GRID1: variants seen among roughly 807,000 people sequenced by gnomAD.
GRID1 encodes glutamate receptor ionotropic, delta-1.
GRID1 carries 28 observed loss-of-function variants against 98.0 expected under a neutral mutation model. The ratio of observed to expected loss-of-function variants is 0.29; its 90% CI spans 0.21 to 0.39. GRID1 has a LOEUF of 0.39. Ranked by LOEUF, GRID1 falls within the 10% of genes least tolerant of loss-of-function variation. GRID1 has a pLI of 1.00. For synonymous variants in GRID1, 553 were observed against 538.5 expected (o/e 1.03, Z -0.37); for missense variants, 1,111 against 1,340.5 (o/e 0.83, Z 2.67).
chr10:85,978,477 C>T (rs1842502664), intron 4 of GRID1, among the ~76,000 whole-genome samples: 1 of 152,198 alleles, frequency 6.6e-6, no homozygotes, highest in Non-Finnish European at 1.5e-5. Flanking sequence ...CATTAATGGA[C>T]TTGACCTTCC....
intron 6 of GRID1, 52 bp downstream of exon 6, chr10:85,868,958 G>A (rs376530136): frequency 2.0e-6 from 3 of 1,512,692 alleles, no homozygotes; most frequent in Non-Finnish European, 2.8e-6. Context: ...GGCCAAGGGT[G>A]TGGGTGAGAC....
At chr10:85,898,990 C>A (rs1278190242) in intron 5 of GRID1, among the ~76,000 whole-genome samples, 3 of 152,202 alleles carry the variant, frequency 2.0e-5, no homozygotes, top group South Asian at 4.1e-4. Context: ...ATACCAGCAT[C>A]ACCATGAACA....
intron 4 of GRID1, among the ~76,000 whole-genome samples, chr10:86,130,196 T>C (rs1844814199): frequency 1.2e-5 from 1 of 80,318 alleles, no homozygotes; most frequent in African/African-American, 1.1e-4. Flanking sequence ...CACTGAGTTT[T>C]AGGACACACA....
At chr10:85,812,479 G>A (rs775997585) in intron 8 of GRID1, among the ~76,000 whole-genome samples, 4 of 152,086 alleles carry the variant, frequency 2.6e-5, no homozygotes, top group Non-Finnish European at 5.9e-5. Context: ...TATAGTGGCT[G>A]TAAAAGCCCT....
At chr10:85,642,993 C>T (rs139390209) in intron 13 of GRID1, among the ~76,000 whole-genome samples, 8 of 152,276 alleles carry the variant, frequency 5.3e-5, no homozygotes, top group East Asian at 3.9e-4. Flanking sequence ...AACCCTTCTC[C>T]AGTTCTGATA....
chr10:85,729,781 A>T (rs1250188259), intron 8 of GRID1, among the ~76,000 whole-genome samples, 167 bp from the exon 9 acceptor site: 1 of 152,176 alleles, frequency 6.6e-6, no homozygotes, highest in African/African-American at 2.4e-5. Context: ...GAATAGATAT[A>T]TGGTAGACAG....
chr10:85,798,801 G>T (rs929749336), intron 8 of GRID1, among the ~76,000 whole-genome samples: 11 of 151,832 alleles, frequency 7.2e-5, no homozygotes, highest in African/African-American at 2.4e-4. Context: ...CTCCTATTCT[G>T]CAGGTTGTCT....
chr10:85,828,954 T>C (rs1842843924), intron 8 of GRID1, among the ~76,000 whole-genome samples: 1 of 152,122 alleles, frequency 6.6e-6, no homozygotes, highest in Admixed American at 6.6e-5. Flanking sequence ...CCTAACTTAT[T>C]CTATGAGGCT....
chr10:86,074,204 AAT>A (rs1843846056), intron 4 of GRID1, among the ~76,000 whole-genome samples: 1 of 152,168 alleles, frequency 6.6e-6, no homozygotes, highest in Non-Finnish European at 1.5e-5. Flanking sequence ...ACCCAAGCAC[AAT>A]ATGTTTTTGT....
chr10:86,079,066 C>A (rs755323727), intron 4 of GRID1, among the ~76,000 whole-genome samples: 1 of 152,206 alleles, frequency 6.6e-6, no homozygotes. Context: ...GCTCATCCCC[C>A]GCACACAGCA....
At chr10:85,818,594 G>T (rs779680351) in intron 8 of GRID1, among the ~76,000 whole-genome samples, 1 of 152,154 alleles carries the variant, frequency 6.6e-6, no homozygotes, top group Non-Finnish European at 1.5e-5. Context: ...TACAAGATGG[G>T]AACAGAGCAT....
At chr10:85,744,322 C>T (rs915876607) in intron 8 of GRID1, among the ~76,000 whole-genome samples, 1 of 152,146 alleles carries the variant, frequency 6.6e-6, no homozygotes, top group African/African-American at 2.4e-5. Flanking sequence ...GCAAGTGTGG[C>T]TTTTATCTAA....
chr10:85,623,543 G>C (rs909278116), intron 13 of GRID1, among the ~76,000 whole-genome samples: 7 of 152,148 alleles, frequency 4.6e-5, no homozygotes, highest in African/African-American at 1.7e-4. Flanking sequence ...CGGGGGGCTG[G>C]GGGGAGGACA....
intron 12 of GRID1, among the ~76,000 whole-genome samples, chr10:85,710,116 TA>T (rs902088696): frequency 3.9e-4 from 59 of 151,646 alleles, no homozygotes; most frequent in African/African-American, 1.3e-3. Flanking sequence ...TTTGTAGAAA[TA>T]AAAAAAACTA....
chr10:85,991,667 G>A (rs772019436), intron 4 of GRID1, among the ~76,000 whole-genome samples: 2 of 152,200 alleles, frequency 1.3e-5, no homozygotes, highest in Non-Finnish European at 2.9e-5. Flanking sequence ...TGTGTCAAAT[G>A]TCACCAAGGT....
chr10:86,242,397 G>A (rs902453227), intron 2 of GRID1, among the ~76,000 whole-genome samples: 1 of 145,516 alleles, frequency 6.9e-6, no homozygotes, highest in Non-Finnish European at 1.6e-5. Flanking sequence ...GAGAGCCTCA[G>A]GGGGCTAGGC....
intron 2 of GRID1, among the ~76,000 whole-genome samples, chr10:86,266,725 T>C (rs539099717): frequency 6.6e-6 from 1 of 152,356 alleles, no homozygotes; most frequent in African/African-American, 2.4e-5. Flanking sequence ...TCTACACCAA[T>C]TGCAGCAGCT....
At chr10:85,845,120 A>G (rs899905091) in intron 8 of GRID1, among the ~76,000 whole-genome samples, 2 of 152,022 alleles carry the variant, frequency 1.3e-5, no homozygotes, top group East Asian at 3.8e-4. Context: ...GAAATAAAAA[A>G]AAAACAATTA....
chr10:86,284,532 C>T (rs1847401715), intron 2 of GRID1, among the ~76,000 whole-genome samples: 1 of 152,228 alleles, frequency 6.6e-6, no homozygotes, highest in Non-Finnish European at 1.5e-5. Context: ...TGGGGGCTGC[C>T]CTACCACTGC....
Sources: gnomAD v4.1 joint callset for allele counts (sites outside exome capture counted in the v4.1 genomes callset) on GRCh38, gnomAD v4.1.1 for gene constraint, MANE v1.5 for transcripts, NCBI Gene and HGNC (gene_info 2026-07-23, HGNC 2026-07-21) for gene names.